Variants in WDR19 observed in about 807,000 individuals in gnomAD.
WDR19 encodes WD repeat domain 19, also known as WD repeat-containing protein 19.
WDR19 carries 121 observed loss-of-function variants against 180.0 expected under a neutral mutation model. The observed-to-expected ratio is 0.67, with a 90% CI of 0.58 to 0.78. WDR19 has a LOEUF of 0.78. Ranked by LOEUF, WDR19 falls within the 30% of genes least tolerant of loss-of-function variation. The pLI, the probability that WDR19 is intolerant of heterozygous loss-of-function variation, is 0.00. For synonymous variants in WDR19, 497 were observed against 540.7 expected, an observed-to-expected ratio of 0.92 and a Z score of 1.12; for missense variants, 1,450 against 1,640.7, an observed-to-expected ratio of 0.88 and a Z score of 2.01.
intron 36 of WDR19, among the ~76,000 whole-genome samples, chr4:39,281,228 T>TAGAGAGAGAGAGAGAGAG (rs1437561762): frequency 1.6e-4 from 16 of 98,766 alleles, no homozygotes; most frequent in Middle Eastern, 4.3e-3. Flanking sequence ...TATATATATA[T>TAGAGAGAGAGAGAGAGAG]ATATATATAG....
Position 39,244,388 on chromosome 4 carries a change from G to T in WDR19, c.2562G>T (p.Lys854Asn), listed in dbSNP as rs1203025739. ...RDCGAILENMKQFSEAAQLYE... is the reference protein window; with the variant it reads ...RDCGAILENMNQFSEAAQLYE... ...GTGGAGCCATATTGGAGAATATGAA[G>T]GTCCTCTTTTCTCTGCATCAATATA... Residue 854 changes from lysine (K) to asparagine (N), a missense_variant and splice_region_variant, in exon 22 of 37, where the codon AAG becomes AAT. Physicochemically the swap from Lys to Asn is moderately conservative, Grantham distance 94. Coordinates refer to ENST00000399820, the MANE Select transcript of WDR19 (RefSeq NM_025132.4). 3 of 1,613,896 alleles carry T rather than the reference G, an allele frequency of 1.9e-6. No individual in the cohort carries two copies. The Admixed American group carries it at 5.0e-5, about 27-fold the overall frequency.
chr4:39,195,105 C>T (rs558039384), intron 5 of WDR19, among the ~76,000 whole-genome samples: 13 of 152,234 alleles, frequency 8.5e-5, no homozygotes, highest in African/African-American at 2.9e-4. Flanking sequence ...TGGTGGCTCA[C>T]GCCTGTAATC....
intron 9 of WDR19, 95 bp from the exon 10 acceptor site, chr4:39,214,506 A>G (rs2109322405): frequency 4.3e-6 from 3 of 690,590 alleles, no homozygotes; most frequent in East Asian, 5.7e-5. Flanking sequence ...TTTGGAGACC[A>G]GTAACCTATT....
chr4:39,225,805 T>C (rs1259044084), intron 15 of WDR19, among the ~76,000 whole-genome samples: 2 of 152,074 alleles, frequency 1.3e-5, no homozygotes, highest in Non-Finnish European at 2.9e-5. Context: ...CTTCCTTTCC[T>C]TTCCTTCCCT....
chr4:39,274,202 A>G (rs1334395299), intron 32 of WDR19: 1 of 152,452 alleles, frequency 6.6e-6, no homozygotes. Flanking sequence ...GATTTGGTCC[A>G]TGGGTCATAA....
chr4:39,228,834 C>G (rs1159181742), intron 17 of WDR19, 144 bp downstream of exon 17: 1 of 901,214 alleles, frequency 1.1e-6, no homozygotes, highest in East Asian at 2.8e-5. Context: ...TGTAGAAGTA[C>G]AAGTGCAGTT....
rs536399749 is a variant in WDR19, at chr4:39,187,175, C to T, written c.164+571C>T. Among the ~76,000 whole-genome samples the T allele has an allele frequency of 9.2e-5, 14 of 152,186 alleles. No homozygotes were observed. In the East Asian group the frequency reaches 2.3e-3, roughly 25 times the overall value. Reference sequence around the variant, plus strand: ...GTGGCTCATGCCTGTAATCCCAGCACTTTGGGAGGCCGAGGCAGGTGGATC... The same window carrying T: ...GTGGCTCATGCCTGTAATCCCAGCATTTTGGGAGGCCGAGGCAGGTGGATC... On this transcript the variant is annotated intron_variant, in intron 3 of 36. Coordinates refer to ENST00000399820, the MANE Select transcript of WDR19 (RefSeq NM_025132.4).
At chr4:39,283,188 A>G (rs1281123884) in intron 36 of WDR19, among the ~76,000 whole-genome samples, 1 of 152,182 alleles carries the variant, frequency 6.6e-6, no homozygotes, top group African/African-American at 2.4e-5. Context: ...CTTTTTCTCT[A>G]TCAATTGAGA....
chr4:39,215,459 T>G (rs1728970075), intron 10 of WDR19, among the ~76,000 whole-genome samples: 1 of 152,192 alleles, frequency 6.6e-6, no homozygotes, highest in African/African-American at 2.4e-5. Flanking sequence ...TAACATGCCA[T>G]ACAGGCTTAT....
intron 24 of WDR19, among the ~76,000 whole-genome samples, chr4:39,251,817 C>G (rs1733223713): frequency 6.6e-6 from 1 of 152,172 alleles, no homozygotes; most frequent in African/African-American, 2.4e-5. Flanking sequence ...GATACCATCT[C>G]ACACCAGTTA....
chr4:39,228,077 T>C (rs1010754939), intron 15 of WDR19, 133 bp from the exon 16 acceptor site: 7 of 852,940 alleles, frequency 8.2e-6, no homozygotes, highest in Non-Finnish European at 1.2e-5. Context: ...TTTCCTGTTG[T>C]TGTTGGAGTG....
At chr4:39,230,814 G>C (rs1239440213) in intron 17 of WDR19, among the ~76,000 whole-genome samples, 4 of 152,236 alleles carry the variant, frequency 2.6e-5, no homozygotes, top group East Asian at 3.8e-4. Flanking sequence ...TGAATAGATA[G>C]ATGGATGTAA....
intron 21 of WDR19, among the ~76,000 whole-genome samples, chr4:39,242,857 A>G (rs13115584): frequency 0.083 from 12,631 of 151,932 alleles, 659 homozygotes; most frequent in East Asian, 0.2. Context: ...TGGTAGAGAC[A>G]GGGTTTTGCC....
chr4:39,198,057 G>C (rs1726958947), intron 5 of WDR19, among the ~76,000 whole-genome samples: 1 of 151,360 alleles, frequency 6.6e-6, no homozygotes, highest in Non-Finnish European at 1.5e-5. Flanking sequence ...TGCCTAGGCT[G>C]GTCTTGAACT....
intron 5 of WDR19, among the ~76,000 whole-genome samples, chr4:39,195,366 C>CAAAAAAAAAAACAAA (rs1726622383): frequency 2.2e-5 from 3 of 135,632 alleles, no homozygotes; most frequent in African/African-American, 8.5e-5. Context: ...GACTTCATCT[C>CAAAAAAAAAAACAAA]AAAAAAAAAA....
intron 28 of WDR19, among the ~76,000 whole-genome samples, chr4:39,263,270 A>C (rs1734476073): frequency 6.6e-6 from 1 of 152,114 alleles, no homozygotes; most frequent in South Asian, 2.1e-4. Context: ...CTTGCTTGAA[A>C]AGGTCCCCAC....
In WDR19 at chr4:39,216,173, G is replaced by T; in HGVS notation, c.1212G>T (p.Met404Ile). The T allele has an allele frequency of 6.3e-7, 1 of 1,585,016 alleles. No homozygotes were observed. Among genetic ancestry groups the T allele is most frequent in the South Asian group, 1.2e-5 (1 of 85,150 alleles). The change falls in exon 12 of 37, where the codon ATG becomes ATT. Residue 404 changes from methionine (M) to isoleucine (I), a missense_variant. Transcript: ENST00000399820. ...GTCTTTATCATCTGGCTGTAGGAAT[G>T]AATAATCGAGCTTGGTTTTATGTCC... ...AVGLYHLAVG[M>I]NNRAWFYVLG...
intron 5 of WDR19, 36 bp downstream of exon 5, chr4:39,194,695 G>T: frequency 6.8e-7 from 1 of 1,464,904 alleles, no homozygotes; most frequent in Non-Finnish European, 9.5e-7. Context: ...AAATATTTGA[G>T]ATGCTCTACC....
chr4:39,228,438 G>T, intron 16 of WDR19, 48 bp from the exon 17 acceptor site: 1 of 1,605,262 alleles, frequency 6.2e-7, no homozygotes, highest in Non-Finnish European at 8.5e-7. Flanking sequence ...TCTGATGTTT[G>T]TGCTGAGTAT....
Sources: allele counts gnomAD v4.1 joint callset (sites outside exome capture counted in the v4.1 genomes callset), GRCh38; gene constraint gnomAD v4.1.1; transcripts MANE v1.5; gene names NCBI Gene and HGNC (gene_info 2026-07-23, HGNC 2026-07-21).